Variants in AFMID observed in about 807,000 individuals in gnomAD.
AFMID encodes arylformamidase.
AFMID carries 39 observed loss-of-function variants against 47.5 expected under a neutral mutation model. That is an observed-to-expected ratio of 0.82 (90% CI 0.64 to 1.07). AFMID has a LOEUF of 1.07. Ranked by LOEUF, AFMID falls within the 50% of genes least tolerant of loss-of-function variation. The pLI is 0.00. For synonymous variants in AFMID, 130 were observed against 153.2 expected (o/e 0.85, Z 1.12); for missense variants, 375 against 387.5 (o/e 0.97, Z 0.27).
intron 1 of AFMID, among the ~76,000 whole-genome samples, chr17:78,187,960 C>CAAAAAAAAAAAAAAAAAAAA (rs34018698): frequency 1.4e-4 from 8 of 56,678 alleles, no homozygotes; most frequent in African/African-American, 2.3e-4. Context: ...GACTTAGTCT[C>CAAAAAAAAAAAAAAAAAAAA]AAAAAAAAAA....
intron 4 of AFMID, chr17:78,202,952 T>G (rs941200720): frequency 1.6e-6 from 1 of 643,162 alleles, no homozygotes; most frequent in Non-Finnish European, 2.7e-6. Context: ...TTCTCCAGCT[T>G]CTGGTGGCCT....
chr17:78,198,615 G>C (rs1210542692), intron 2 of AFMID, among the ~76,000 whole-genome samples: 1 of 147,334 alleles, frequency 6.8e-6, no homozygotes, highest in Non-Finnish European at 1.5e-5. Context: ...CTCCAGCCTG[G>C]GTGACAAGAG....
Position 78,204,891 on chromosome 17 carries a change from C to T in AFMID, c.458C>T (p.Pro153Leu). 1 of 1,614,216 alleles carries T rather than the reference C, an allele frequency of 6.2e-7. No individual in the cohort carries two copies. Among genetic ancestry groups the T allele is most frequent in the East Asian group, 2.2e-5 (1 of 44,884 alleles). ...RSVAFVQKRYPSNKGIYLCGH... is the reference protein window; with the variant it reads ...RSVAFVQKRYLSNKGIYLCGH... ...GTTGCGTTTGTCCAGAAGCGGTATC[C>T]AAGCAACAAGTGGGTGTTGCCAGTA... Residue 153 changes from proline to leucine, a missense_variant, in exon 6 of 11, where the codon CCA (proline) becomes CTA (leucine). Pro to Leu is a moderately conservative substitution (Grantham distance 98). Coordinates refer to ENST00000409257, the MANE Select transcript of AFMID (RefSeq NM_001010982.5).
intron 1 of AFMID, among the ~76,000 whole-genome samples, chr17:78,188,176 G>A (rs190405624): frequency 6.6e-6 from 1 of 151,632 alleles, no homozygotes; most frequent in African/African-American, 2.4e-5. Context: ...AAGAAAGAAA[G>A]AAAAGAAACC....
chr17:78,201,541 G>A (rs1050408894), intron 2 of AFMID, among the ~76,000 whole-genome samples: 7 of 151,960 alleles, frequency 4.6e-5, no homozygotes, highest in Non-Finnish European at 8.8e-5. Context: ...ATTGCTTGGC[G>A]CCGGGAGTTT....
At chr17:78,197,158 C>T (rs1422158950) in intron 2 of AFMID, 1 of 1,550,312 alleles carries the variant, frequency 6.5e-7, no homozygotes, top group East Asian at 2.4e-5. Flanking sequence ...TTGAGAACTC[C>T]TGTGTGAATT....
intron 2 of AFMID, chr17:78,197,078 C>A: frequency 7.3e-7 from 1 of 1,379,246 alleles, no homozygotes; most frequent in African/African-American, 1.4e-5. Flanking sequence ...ATGGCCATTC[C>A]ACTTAGAACA....
At position 78,206,901 on chromosome 17, in the gene AFMID, C is replaced by A. The variant is rs1342408563; in HGVS notation, c.886-10C>A. On this transcript the variant is annotated splice_polypyrimidine_tract_variant and intron_variant, in intron 10 of 10. Transcript: ENST00000409257. ...TTCTGGGGCTTTTGTGTCTTCTCTT[C>A]CTGTTCCAGATTATCTTGAAAACAA... is the stretch of plus-strand genomic sequence containing the variant. 6.2e-7 allele frequency: 1 copy of A among 1,613,894 alleles called. No individual in the cohort carries two copies.
At chr17:78,194,883 G>A (rs960581305) in intron 2 of AFMID, among the ~76,000 whole-genome samples, 1 of 151,804 alleles carries the variant, frequency 6.6e-6, no homozygotes, top group African/African-American at 2.4e-5. Flanking sequence ...TAGTAGAGAC[G>A]GGGTTTCTCC....
rs150344015 is a variant in AFMID at position 78,204,731 on chromosome 17, C to A, written c.384C>A (p.Ile128=). The A allele has an allele frequency of 3.7e-6, 6 of 1,614,178 alleles. No individual in the cohort carries two copies. The highest frequency in any genetic ancestry group is 5.1e-6 in the Non-Finnish European group (6 of 1,180,044). ...CCGTGGTAATAGTGGCTTACGGCATCGCCCCCAAAGGTAATAGGAGTGGTT... is the reference window on the plus strand; with the variant it reads ...CCGTGGTAATAGTGGCTTACGGCATAGCCCCCAAAGGTAATAGGAGTGGTT... The part of the protein sequence containing the change: ...GVAVVIVAYG[I]APKGTLDHMV... The change falls in exon 5 of 11, where the codon ATC becomes ATA. Residue 128 remains isoleucine, a synonymous_variant. Transcript: ENST00000409257.
intron 9 of AFMID, 89 bp downstream of exon 9, chr17:78,205,827 T>A: frequency 1.3e-6 from 2 of 1,595,500 alleles, no homozygotes; most frequent in Non-Finnish European, 1.7e-6. Flanking sequence ...GACAAGACCC[T>A]CCATCATTTA....
intron 2 of AFMID, among the ~76,000 whole-genome samples, chr17:78,198,312 G>A (rs982823882): frequency 8.6e-5 from 13 of 151,676 alleles, no homozygotes; most frequent in Non-Finnish European, 1.5e-4. Context: ...ACAAAAATTC[G>A]CCTGGGCCAG....
In AFMID at chr17:78,207,161, G is replaced by C; in HGVS notation, c.*224G>C. 1 of 593,898 alleles carries C rather than the reference G, an allele frequency of 1.7e-6. No homozygotes were observed. 36.8% of individuals were successfully genotyped at this position (593,898 alleles called of 1,614,324 possible). On this transcript the variant is annotated 3_prime_UTR_variant, in exon 11 of 11. Transcript: ENST00000409257. ...GGATGGAGCTCCAGGGCTGGGGAAC[G>C]TCCGCAAGTCAATGCTCAGAGATGC... is the stretch of plus-strand genomic sequence containing the variant.
At chr17:78,201,224 G>A (rs62079118) in intron 2 of AFMID, among the ~76,000 whole-genome samples, 32,794 of 149,168 alleles carry the variant, frequency 0.22, 3,705 homozygotes, top group South Asian at 0.32. Context: ...AACCCAGGAG[G>A]CAGAAGTTGC....
At chr17:78,197,678 G>C in intron 2 of AFMID, 1 of 162,564 alleles carries the variant, frequency 6.2e-6, no homozygotes, top group South Asian at 1.6e-4. Flanking sequence ...GTAGAAGCTG[G>C]AAGAGCCTAG....
intron 2 of AFMID, 78 bp downstream of exon 2, chr17:78,191,138 G>C: frequency 2.3e-6 from 3 of 1,324,084 alleles, no homozygotes; most frequent in Non-Finnish European, 3.2e-6. Context: ...GGGGGTTGGG[G>C]GGGCTGTGCT....
intron 9 of AFMID, 23 bp from the exon 10 acceptor site, chr17:78,205,923 C>A: frequency 6.2e-7 from 1 of 1,612,302 alleles, no homozygotes; most frequent in Non-Finnish European, 8.5e-7. Flanking sequence ...TCAGGCCCCT[C>A]TTCCCATGTC....
At chr17:78,202,874 C>A in intron 4 of AFMID, 123 bp downstream of exon 4, 1 of 1,211,410 alleles carries the variant, frequency 8.3e-7, no homozygotes, top group Non-Finnish European at 1.2e-6. Flanking sequence ...GGCTGTGTCT[C>A]ACAGCGCTGG....
At chr17:78,206,338 CA>C (rs60780262) in intron 10 of AFMID, among the ~76,000 whole-genome samples, 16,383 of 100,244 alleles carry the variant, frequency 0.16, 338 homozygotes, top group East Asian at 0.32. Context: ...GACTCTGTCT[CA>C]AAAAAAAAAA....
Sources: gnomAD v4.1 joint callset for allele counts (sites outside exome capture counted in the v4.1 genomes callset) on GRCh38, gnomAD v4.1.1 for gene constraint, MANE v1.5 for transcripts, NCBI Gene and HGNC (gene_info 2026-07-23, HGNC 2026-07-21) for gene names.